The following TMEFF2 variants were observed in gnomAD, a reference collection of about 807,000 sequenced individuals.
TMEFF2 encodes transmembrane protein with EGF like and two follistatin like domains 2.
A neutral mutation model predicts 53.8 loss-of-function variants in TMEFF2; 28 were observed. The ratio of observed to expected loss-of-function variants is 0.52; its 90% CI spans 0.39 to 0.71. The LOEUF is 0.71. Among genes scored for constraint, TMEFF2 ranks in the 30% least tolerant of loss-of-function variants. The probability of loss-of-function intolerance (pLI) is 0.00; values close to 1 mark genes in which losing one functional copy is unlikely to be tolerated. For synonymous variants in TMEFF2, 162 were observed against 166.3 expected (o/e 0.97, Z 0.20); for missense variants, 353 against 455.2 (o/e 0.78, Z 2.04).
intron 4 of TMEFF2, among the ~76,000 whole-genome samples, chr2:192,102,124 A>G (rs1408760665): frequency 7.2e-5 from 11 of 152,194 alleles, no homozygotes; most frequent in Non-Finnish European, 1.5e-5. Context: ...TATGTCTGGG[A>G]GAGGTATATA....
intron 7 of TMEFF2, among the ~76,000 whole-genome samples, chr2:191,983,426 T>C (rs1685903152): frequency 6.6e-6 from 1 of 150,492 alleles, no homozygotes; most frequent in Admixed American, 6.6e-5. Flanking sequence ...AAAAGGGATA[T>C]GAACCTTTGT....
chr2:192,187,111 A>G (rs553816948), intron 2 of TMEFF2, among the ~76,000 whole-genome samples: 1 of 152,290 alleles, frequency 6.6e-6, no homozygotes, highest in South Asian at 2.1e-4. Flanking sequence ...GAAGAACACC[A>G]GAAGGAAGCA....
chr2:191,957,657 G>T (rs6747698), intron 7 of TMEFF2, among the ~76,000 whole-genome samples: 115,350 of 152,132 alleles, frequency 0.76, 43,922 homozygotes, highest in East Asian at 0.94. Context: ...AGTTGTAAAA[G>T]ATGTATAGTG....
intron 5 of TMEFF2, among the ~76,000 whole-genome samples, chr2:192,051,189 A>G (rs532891209): frequency 4.6e-5 from 7 of 151,058 alleles, no homozygotes; most frequent in Non-Finnish European, 8.8e-5. Context: ...TTCAAAAAAA[A>G]CCTTGGATTT....
intron 5 of TMEFF2, among the ~76,000 whole-genome samples, chr2:192,049,862 G>A (rs1374542601): frequency 6.6e-6 from 1 of 152,106 alleles, no homozygotes; most frequent in African/African-American, 2.4e-5. Flanking sequence ...TTAGCCGGGC[G>A]TGGTGGCGAC....
At chr2:191,968,583 C>T (rs1012253305) in intron 7 of TMEFF2, among the ~76,000 whole-genome samples, 3 of 152,146 alleles carry the variant, frequency 2.0e-5, no homozygotes, top group African/African-American at 7.2e-5. Context: ...TGCCTGACTA[C>T]TTCTGTAGCA....
At chr2:192,182,358 T>C (rs1353997656) in intron 3 of TMEFF2, among the ~76,000 whole-genome samples, 1 of 151,920 alleles carries the variant, frequency 6.6e-6, no homozygotes, top group Non-Finnish European at 1.5e-5. Context: ...TCCGTCATTA[T>C]TCAGATCAAA....
At chr2:192,069,986 GTGTATATATATA>G (rs1433654047) in intron 4 of TMEFF2, among the ~76,000 whole-genome samples, 10 of 11,668 alleles carry the variant, frequency 8.6e-4, no homozygotes, top group Admixed American at 1.9e-3. Flanking sequence ...GTGTGTGTGT[GTGTATATATATA>G]TATATATATA....
At chr2:191,965,713 A>AT (rs1357659089) in intron 7 of TMEFF2, among the ~76,000 whole-genome samples, 5 of 152,116 alleles carry the variant, frequency 3.3e-5, no homozygotes, top group African/African-American at 1.2e-4. Flanking sequence ...GGGACTTCCC[A>AT]TATGCTATTC....
chr2:191,951,907 TGC>T lies in TMEFF2; in HGVS notation c.1029-1502_1029-1501del, dbSNP rs1324543021. On this transcript the variant is annotated intron_variant, in intron 9 of 9. Transcript: ENST00000272771. ...AACATGGAAAATGAGTAAGTCTATG[TGC>T]CTTGGAAAAATAGCTTACTCTAATT... 7.9e-5 allele frequency among the ~76,000 whole-genome samples: 12 copies of T among 152,348 alleles called. No homozygotes were observed. In the East Asian group the frequency reaches 1.7e-3, roughly 22 times the overall value.
Position 192,166,031 on chromosome 2 carries a change from CTGTT to C in TMEFF2, c.439+13633_439+13636del, listed in dbSNP as rs1314569097. Reference sequence around the variant, plus strand: ...ACTGAAATGGGCTTGCCTTTTATGACTGTTTGCAGGTGAAGGAAAAGGCACCTGT... The same window carrying C: ...ACTGAAATGGGCTTGCCTTTTATGACTGCAGGTGAAGGAAAAGGCACCTGT... On this transcript the variant is annotated intron_variant, in intron 4 of 9. Coordinates refer to ENST00000272771, the MANE Select transcript of TMEFF2 (RefSeq NM_016192.4). Among the ~76,000 whole-genome samples the C allele has an allele frequency of 2.6e-5, 4 of 152,102 alleles. No homozygotes were observed. The East Asian group carries it at 7.7e-4, about 29-fold the overall frequency.
At chr2:191,961,031 T>A (rs1368630607) in intron 7 of TMEFF2, among the ~76,000 whole-genome samples, 2 of 152,196 alleles carry the variant, frequency 1.3e-5, no homozygotes, top group African/African-American at 4.8e-5. Context: ...CTAGAGAATA[T>A]TATTTTTGAT....
At chr2:192,145,528 T>G (rs2105994284) in intron 4 of TMEFF2, among the ~76,000 whole-genome samples, 1 of 150,502 alleles carries the variant, frequency 6.6e-6, no homozygotes, top group African/African-American at 2.4e-5. Context: ...CAATGTAACG[T>G]TTTGAAAGTA....
At chr2:192,063,044 T>A (rs1688086170) in intron 4 of TMEFF2, among the ~76,000 whole-genome samples, 1 of 151,950 alleles carries the variant, frequency 6.6e-6, no homozygotes, top group Admixed American at 6.6e-5. Flanking sequence ...TCACTTTTTT[T>A]ATTTTATTGA....
intron 4 of TMEFF2, among the ~76,000 whole-genome samples, chr2:192,130,838 G>A (rs1025163223): frequency 6.6e-6 from 1 of 151,912 alleles, no homozygotes; most frequent in Non-Finnish European, 1.5e-5. Flanking sequence ...TGAAACCTGG[G>A]AAAGCAGAGA....
At chr2:192,155,099 G>T (rs1690477242) in intron 4 of TMEFF2, among the ~76,000 whole-genome samples, 1 of 151,840 alleles carries the variant, frequency 6.6e-6, no homozygotes, top group South Asian at 2.1e-4. Context: ...TTAGGTTTTG[G>T]TGTTGTACTA....
At chr2:192,044,177 A>C (rs1687554632) in intron 5 of TMEFF2, 1 of 152,214 alleles carries the variant, frequency 6.6e-6, no homozygotes, top group Non-Finnish European at 1.5e-5. Flanking sequence ...CCACTATGTC[A>C]TAATTTAGTT....
rs550787963 is a variant in TMEFF2, at chr2:192,189,063, C to T, written c.282+2817G>A. Among the ~76,000 whole-genome samples, 10 of 151,908 alleles carry T rather than the reference C, an allele frequency of 6.6e-5. No individual in the cohort carries two copies. The East Asian group carries it at 7.7e-4, about 12-fold the overall frequency. ...AGGGGGGAGAAAACAATTATCTCAC[C>T]GGGTTGTGAGAAATAAATGAGATAA... On this transcript the variant is annotated intron_variant, in intron 2 of 9. Transcript: ENST00000272771.
intron 7 of TMEFF2, among the ~76,000 whole-genome samples, chr2:191,964,166 A>C (rs889471551): frequency 6.6e-6 from 1 of 151,844 alleles, no homozygotes; most frequent in African/African-American, 2.4e-5. Context: ...CCTAGATTCT[A>C]TTGCTACTCT....
Sources: gnomAD v4.1 joint callset for allele counts (sites outside exome capture counted in the v4.1 genomes callset) on GRCh38, gnomAD v4.1.1 for gene constraint, MANE v1.5 for transcripts, NCBI Gene and HGNC (gene_info 2026-07-23, HGNC 2026-07-21) for gene names.